Variants in PALLD observed in about 807,000 individuals in gnomAD.
The protein encoded by PALLD is palladin.
PALLD carries 61 observed loss-of-function variants against 123.5 expected under a neutral mutation model. The ratio of observed to expected loss-of-function variants is 0.49; its 90% CI spans 0.40 to 0.61. PALLD has a LOEUF of 0.61. Ranked by LOEUF, PALLD falls within the 20% of genes least tolerant of loss-of-function variation. PALLD has a pLI of 0.00. For missense variants in PALLD, 1,273 were observed against 1,377.0 expected (o/e 0.92, Z 1.20); for synonymous variants, 465 against 496.4 (o/e 0.94, Z 0.84).
intron 10 of PALLD, among the ~76,000 whole-genome samples, chr4:168,840,942 C>A (rs945235779): frequency 6.6e-6 from 1 of 151,992 alleles, no homozygotes; most frequent in Non-Finnish European, 1.5e-5. Flanking sequence ...CCTCTGCCTC[C>A]CAGGGTCAAG....
intron 3 of PALLD, among the ~76,000 whole-genome samples, chr4:168,673,770 ACT>A (rs2150044177): frequency 6.6e-6 from 1 of 152,028 alleles, no homozygotes; most frequent in South Asian, 2.1e-4. Context: ...ATCAGGGATG[ACT>A]CTGTGGATTC....
chr4:168,759,232 T>C lies in PALLD; in HGVS notation c.1964+47309T>C, dbSNP rs1447017849. ...ATATATATATATATATATATATATA[T>C]ATATATATATATAGAAACAATATAT... On this transcript the variant is annotated intron_variant, in intron 10 of 21. Coordinates refer to ENST00000505667, the MANE Select transcript of PALLD (RefSeq NM_001166108.2). Among the ~76,000 whole-genome samples the C allele has an allele frequency of 6.3e-3, 578 of 91,928 alleles. 91 individuals are homozygous for C. Among genetic ancestry groups the C allele is most frequent in the African/African-American group, 0.025 (548 of 22,108 alleles). 60.3% of individuals were successfully genotyped at this position (91,928 alleles called of 152,430 possible). A position where few individuals can be genotyped will look rare whatever the true frequency, so the allele number is the denominator to read the frequency against.
chr4:168,526,708 C>T (rs1162136595), intron 2 of PALLD, among the ~76,000 whole-genome samples: 1 of 152,166 alleles, frequency 6.6e-6, no homozygotes, highest in Non-Finnish European at 1.5e-5. Context: ...ACCCAAGGCT[C>T]TTAGCACCTG....
chr4:168,891,884 C>T (rs767059774), intron 11 of PALLD, among the ~76,000 whole-genome samples: 3 of 152,112 alleles, frequency 2.0e-5, no homozygotes, highest in Non-Finnish European at 4.4e-5. Context: ...TGGGGAAGTT[C>T]TGTTCTTTTC....
At chr4:168,573,832 T>C (rs926684346) in intron 2 of PALLD, among the ~76,000 whole-genome samples, 3 of 152,164 alleles carry the variant, frequency 2.0e-5, no homozygotes, top group Admixed American at 6.5e-5. Flanking sequence ...TATTTCTAAA[T>C]GCTTGAGACT....
chr4:168,821,076 A>G (rs1742647806), intron 10 of PALLD, among the ~76,000 whole-genome samples: 2 of 152,208 alleles, frequency 1.3e-5, no homozygotes, highest in Admixed American at 1.3e-4. Flanking sequence ...CCAAGCTCCA[A>G]ATGTCGCAGA....
At chr4:168,605,878 G>A (rs1347024764) in intron 2 of PALLD, among the ~76,000 whole-genome samples, 3 of 152,214 alleles carry the variant, frequency 2.0e-5, no homozygotes, top group Admixed American at 6.5e-5. Context: ...TTGGTTTGCA[G>A]ACTTGGGCTA....
chr4:168,830,856 A>C (rs1251138610), intron 10 of PALLD, among the ~76,000 whole-genome samples: 1 of 152,230 alleles, frequency 6.6e-6, no homozygotes, highest in Admixed American at 6.5e-5. Context: ...TACAGTACTA[A>C]ACCCTTTAAA....
intron 2 of PALLD, among the ~76,000 whole-genome samples, chr4:168,665,071 G>A (rs1008314840): frequency 1.3e-5 from 2 of 152,166 alleles, no homozygotes; most frequent in East Asian, 1.9e-4. Flanking sequence ...ACAAAATGAT[G>A]TAGAAAATTC....
chr4:168,804,853 T>C (rs754826503), intron 10 of PALLD, among the ~76,000 whole-genome samples: 10 of 152,158 alleles, frequency 6.6e-5, no homozygotes, highest in Non-Finnish European at 1.5e-4. Flanking sequence ...AAGGTGCTTA[T>C]TTTATTCCAA....
At chr4:168,774,109 G>T (rs1734831871) in intron 10 of PALLD, among the ~76,000 whole-genome samples, 1 of 144,760 alleles carries the variant, frequency 6.9e-6, no homozygotes. Flanking sequence ...TATATATCCT[G>T]TGTAAAATAA....
chr4:168,628,790 G>A (rs1240363751), intron 2 of PALLD, among the ~76,000 whole-genome samples: 1 of 152,140 alleles, frequency 6.6e-6, no homozygotes, highest in Non-Finnish European at 1.5e-5. Context: ...TCTGCCTAAT[G>A]TGCCCCTTGC....
rs113858853 is a variant in PALLD, at chr4:168,551,989, T to G, written c.908+39577T>G. On this transcript the variant is annotated intron_variant, in intron 2 of 21. Coordinates refer to ENST00000505667, the MANE Select transcript of PALLD (RefSeq NM_001166108.2). ...GAGGAAGCTCCCGTGAGTCTTTGGT[T>G]TTGAGGTACTACTCCACAAGGGTAA... Among the ~76,000 whole-genome samples the G allele has an allele frequency of 6.6e-3, 1,002 of 152,258 alleles. 6 individuals are homozygous for G. Among genetic ancestry groups the G allele is most frequent in the African/African-American group, 0.023 (949 of 41,534 alleles).
chr4:168,564,319 A>G lies in PALLD; in HGVS notation c.908+51907A>G, dbSNP rs138870031. On this transcript the variant is annotated intron_variant, in intron 2 of 21. Coordinates refer to ENST00000505667, the MANE Select transcript of PALLD (RefSeq NM_001166108.2). ...ACCAGTGTCTCAAGTGAGGTGACCT[A>G]TTCTCCTTCAACCTACCATGACGTT... Among the ~76,000 whole-genome samples the G allele has an allele frequency of 5.3e-5, 8 of 152,350 alleles. No homozygotes were observed. The East Asian group carries it at 1.3e-3, about 26-fold the overall frequency.
chr4:168,807,408 C>A (rs1412431503), intron 10 of PALLD, among the ~76,000 whole-genome samples: 1 of 152,022 alleles, frequency 6.6e-6, no homozygotes, highest in Non-Finnish European at 1.5e-5. Flanking sequence ...GTTTTTCTTT[C>A]TTTCTTTTTT....
At chr4:168,609,107 T>C (rs17054392) in intron 2 of PALLD, among the ~76,000 whole-genome samples, 8,163 of 152,210 alleles carry the variant, frequency 0.054, 717 homozygotes, top group African/African-American at 0.18. Flanking sequence ...ACTTCCTTTA[T>C]TCAGACGCTG....
rs1410402809 is a variant in PALLD, at chr4:168,751,115, C to T, written c.1964+39192C>T. ...GTAACCTCCACTTCCCAGGTTCAAGCGATTCTCCTGCCTCAGCCTCCCGAG... is the reference window on the plus strand; with the variant it reads ...GTAACCTCCACTTCCCAGGTTCAAGTGATTCTCCTGCCTCAGCCTCCCGAG... On this transcript the variant is annotated intron_variant, in intron 10 of 21. Coordinates refer to ENST00000505667, the MANE Select transcript of PALLD (RefSeq NM_001166108.2). Among the ~76,000 whole-genome samples the T allele has an allele frequency of 6.6e-5, 10 of 151,578 alleles. No homozygotes were observed. The East Asian group carries it at 7.8e-4, about 12-fold the overall frequency.
At chr4:168,884,878 G>A (rs545567563) in intron 10 of PALLD, among the ~76,000 whole-genome samples, 5 of 152,190 alleles carry the variant, frequency 3.3e-5, no homozygotes, top group South Asian at 4.2e-4. Context: ...TACACCAGGC[G>A]CTGTTCTAAG....
intron 2 of PALLD, among the ~76,000 whole-genome samples, chr4:168,573,113 C>A (rs1176914169): frequency 6.6e-6 from 1 of 151,702 alleles, no homozygotes; most frequent in Non-Finnish European, 1.5e-5. Flanking sequence ...CTTTCCATTT[C>A]TCAAGATTTC....
Sources: gnomAD v4.1 joint callset for allele counts (sites outside exome capture counted in the v4.1 genomes callset) on GRCh38, gnomAD v4.1.1 for gene constraint, MANE v1.5 for transcripts, NCBI Gene and HGNC (gene_info 2026-07-23, HGNC 2026-07-21) for gene names.